Variants in BLK observed in about 807,000 individuals in gnomAD.
BLK encodes the protein BLK proto-oncogene, Src family tyrosine kinase, also known as tyrosine-protein kinase Blk.
In BLK, 64 loss-of-function variants were observed where a neutral mutation model predicts 61.8. The ratio of observed to expected loss-of-function variants is 1.03; its 90% CI spans 0.85 to 1.27. The LOEUF is 1.27. Ranked by LOEUF, BLK falls within the 50% of genes most tolerant of loss-of-function variation. BLK has a pLI of 0.00. For synonymous variants in BLK, 351 were observed against 272.0 expected (o/e 1.29, Z -2.86); for missense variants, 853 against 660.5 (o/e 1.29, Z -3.19).
At chr8:11,517,667 A>G (rs1369325255) in intron 1 of BLK, among the ~76,000 whole-genome samples, 1 of 152,088 alleles carries the variant, frequency 6.6e-6, no homozygotes, top group Non-Finnish European at 1.5e-5. Context: ...AGCCACCCAG[A>G]CCTTGACAAG....
chr8:11,563,240 C>T, intron 12 of BLK, 130 bp downstream of exon 12: 1 of 1,353,272 alleles, frequency 7.4e-7, no homozygotes, highest in Non-Finnish European at 1.0e-6. Context: ...GACGGAGACC[C>T]AGGCATGGCA....
At position 11,548,224 on chromosome 8, in the gene BLK, G is replaced by A. The variant is rs920185205; in HGVS notation, c.269+99G>A. 9 of 1,069,456 alleles carry A rather than the reference G, an allele frequency of 8.4e-6. No homozygotes were observed. The East Asian group carries it at 1.5e-4, about 18-fold the overall frequency. 66.2% of individuals were successfully genotyped at this position (1,069,456 alleles called of 1,614,324 possible). On this transcript the variant is annotated intron_variant, in intron 4 of 12. Transcript: ENST00000259089. ...ACATCCTCCATGGCTGACCCTGGAA[G>A]TCTTCTCCATCGCCCTGCCCCCAGC...
intron 10 of BLK, chr8:11,560,693 G>A: frequency 2.7e-6 from 1 of 368,370 alleles, no homozygotes; most frequent in Non-Finnish European, 5.5e-6. Context: ...ACCTGGATCT[G>A]CCAGTGCTCC....
chr8:11,501,581 C>T (rs1485627881), intron 1 of BLK, among the ~76,000 whole-genome samples: 1 of 152,198 alleles, frequency 6.6e-6, no homozygotes, highest in African/African-American at 2.4e-5. Context: ...TTTATAGTAA[C>T]ATGTACTGAT....
At chr8:11,537,555 G>T (rs1226747945) in intron 1 of BLK, among the ~76,000 whole-genome samples, 1 of 152,172 alleles carries the variant, frequency 6.6e-6, no homozygotes, top group Non-Finnish European at 1.5e-5. Context: ...CAGAGCCTCA[G>T]GCAGGGCCAC....
rs895090984 is a variant in BLK at position 11,563,176 on chromosome 8, T to C, written c.1312+66T>C. 3.1e-6 allele frequency: 5 copies of C among 1,606,538 alleles called. No individual in the cohort carries two copies. In the African/African-American group the frequency reaches 5.3e-5, roughly 17 times the overall value. ...CGGCCGGCCCTGATGGCAGGTCGCC[T>C]GTGCTTGGTGCCTGTGGCTGCCCTG... On this transcript the variant is annotated intron_variant, in intron 12 of 12. Transcript: ENST00000259089.
chr8:11,521,616 G>A (rs1052599139), intron 1 of BLK, among the ~76,000 whole-genome samples: 25 of 152,154 alleles, frequency 1.6e-4, no homozygotes, highest in Non-Finnish European at 2.6e-4. Flanking sequence ...AATCAATTTG[G>A]ATTCAATAGT....
At chr8:11,551,175 T>A (rs1160330626) in intron 6 of BLK, among the ~76,000 whole-genome samples, 2 of 152,188 alleles carry the variant, frequency 1.3e-5, no homozygotes, top group Non-Finnish European at 2.9e-5. Flanking sequence ...CACTCAGCAG[T>A]GTTTGTGGGA....
chr8:11,549,867 T>G (rs935210742), intron 5 of BLK: 5 of 427,506 alleles, frequency 1.2e-5, no homozygotes, highest in African/African-American at 6.1e-5. Flanking sequence ...TTGGAGAGAG[T>G]GATCAGGGGC....
At chr8:11,556,128 G>A (rs930002674) in intron 8 of BLK, 2 of 226,872 alleles carry the variant, frequency 8.8e-6, no homozygotes, top group South Asian at 7.4e-5. Flanking sequence ...CAAGGCCCAT[G>A]TCCTCTAGAA....
At chr8:11,547,519 A>C (rs1223641198) in intron 3 of BLK, among the ~76,000 whole-genome samples, 1 of 152,210 alleles carries the variant, frequency 6.6e-6, no homozygotes, top group African/African-American at 2.4e-5. Context: ...GGTCACTGGC[A>C]GCCATAGACA....
chr8:11,545,919 C>A (rs1800612899), intron 2 of BLK, 133 bp from the exon 3 acceptor site: 9 of 933,918 alleles, frequency 9.6e-6, no homozygotes, highest in Non-Finnish European at 1.6e-5. Flanking sequence ...GAGCAGCCCC[C>A]ACAGGCAGCT....
At chr8:11,527,835 C>T (rs916770588) in intron 1 of BLK, among the ~76,000 whole-genome samples, 3 of 151,906 alleles carry the variant, frequency 2.0e-5, no homozygotes, top group African/African-American at 7.3e-5. Context: ...ATGTTATCTA[C>T]AGGACCAAAT....
At chr8:11,554,988 G>T in intron 7 of BLK, 99 bp downstream of exon 7, 1 of 1,514,164 alleles carries the variant, frequency 6.6e-7, no homozygotes, top group South Asian at 1.2e-5. Context: ...GCCACCTTGG[G>T]GGATGGAAAG....
chr8:11,564,483 G>C lies in BLK; in HGVS notation c.*375G>C, dbSNP rs1359288699. The C allele has an allele frequency of 1.9e-6, 1 of 520,806 alleles. No individual in the cohort carries two copies. The highest frequency in any genetic ancestry group is 1.9e-5 in the African/African-American group (1 of 52,602). The allele number at this position is 520,806 out of a possible 1,614,324, so 32.3% of individuals were successfully genotyped here. ...CGCCTCTGCGCCCTGCGTGGACCCC[G>C]CCCTGCCCCGCTACAGAAGCCAGAC... On this transcript the variant is annotated 3_prime_UTR_variant, in exon 13 of 13. Transcript: ENST00000259089.
At chr8:11,513,344 G>A (rs983811500) in intron 1 of BLK, among the ~76,000 whole-genome samples, 16 of 152,228 alleles carry the variant, frequency 1.1e-4, no homozygotes, top group African/African-American at 3.6e-4. Context: ...GTGGACCATA[G>A]TGGAGACTGA....
At chr8:11,495,285 C>T (rs915107963) in intron 1 of BLK, among the ~76,000 whole-genome samples, 3 of 151,488 alleles carry the variant, frequency 2.0e-5, no homozygotes, top group Admixed American at 6.6e-5. Context: ...ACCCACATTA[C>T]CAAGGAACTA....
At chr8:11,537,352 C>A (rs374194898) in intron 1 of BLK, among the ~76,000 whole-genome samples, 18 of 152,210 alleles carry the variant, frequency 1.2e-4, no homozygotes, top group South Asian at 8.3e-4. Flanking sequence ...ATCGCGACAC[C>A]CAGGGTGAGT....
intron 1 of BLK, among the ~76,000 whole-genome samples, chr8:11,512,475 C>T (rs1429659533): frequency 6.6e-6 from 1 of 152,196 alleles, no homozygotes; most frequent in Non-Finnish European, 1.5e-5. Flanking sequence ...CATTTAGGTT[C>T]AATTGGGTCT....
Sources: gnomAD v4.1 joint callset for allele counts (sites outside exome capture counted in the v4.1 genomes callset) on GRCh38, gnomAD v4.1.1 for gene constraint, MANE v1.5 for transcripts, NCBI Gene and HGNC (gene_info 2026-07-23, HGNC 2026-07-21) for gene names.